Variants in FAM135B observed in about 807,000 individuals in gnomAD.
FAM135B encodes protein FAM135B.
In FAM135B, 43 loss-of-function variants were observed where a neutral mutation model predicts 127.7. The observed-to-expected ratio is 0.34, with a 90% CI of 0.26 to 0.43. The LOEUF (loss-of-function observed/expected upper bound fraction) is 0.43, where lower values mean the gene tolerates loss of function less well. Ranked by LOEUF, FAM135B falls within the 20% of genes least tolerant of loss-of-function variation. The pLI, the probability that FAM135B is intolerant of heterozygous loss-of-function variation, is 1.00. For missense variants in FAM135B, 1,558 were observed against 1,725.6 expected, an observed-to-expected ratio of 0.90 and a Z score of 1.72; for synonymous variants, 670 against 665.1, an observed-to-expected ratio of 1.01 and a Z score of -0.11.
chr8:138,144,854 C>T (rs1817526018), intron 15 of FAM135B, among the ~76,000 whole-genome samples: 1 of 152,178 alleles, frequency 6.6e-6, no homozygotes, highest in Admixed American at 6.5e-5. Context: ...GGATTACTTC[C>T]TCACCAGATC....
chr8:138,271,869 A>C (rs1451650200), intron 3 of FAM135B, among the ~76,000 whole-genome samples: 2 of 152,162 alleles, frequency 1.3e-5, no homozygotes, highest in African/African-American at 4.8e-5. Flanking sequence ...TAGATACTTT[A>C]TGTTCCTTAC....
chr8:138,356,735 C>T lies in FAM135B; in HGVS notation c.77+11172G>A, dbSNP rs376790275. 3.9e-5 allele frequency among the ~76,000 whole-genome samples: 6 copies of T among 152,160 alleles called. No homozygotes were observed. In the East Asian group the frequency reaches 1.2e-3, roughly 29 times the overall value. On this transcript the variant is annotated intron_variant, in intron 2 of 19. Transcript: ENST00000395297. Reference sequence around the variant, plus strand: ...TTTTCCAAAAGTTTCTAAACAGTAACTCAGCTACCTGAGTGTCAATGGCTG... The same window carrying T: ...TTTTCCAAAAGTTTCTAAACAGTAATTCAGCTACCTGAGTGTCAATGGCTG...
At chr8:138,159,662 G>A (rs1213285957) in intron 12 of FAM135B, among the ~76,000 whole-genome samples, 3 of 151,726 alleles carry the variant, frequency 2.0e-5, no homozygotes, top group Non-Finnish European at 2.9e-5. Context: ...TGTAAATGAT[G>A]ACTTAATGGG....
At chr8:138,188,164 G>A (rs1374062419) in intron 9 of FAM135B, among the ~76,000 whole-genome samples, 2 of 152,202 alleles carry the variant, frequency 1.3e-5, no homozygotes, top group East Asian at 3.8e-4. Flanking sequence ...TCATCTGGCT[G>A]TGCATCAGCA....
chr8:138,366,531 C>A (rs1385333592), intron 2 of FAM135B, among the ~76,000 whole-genome samples: 1 of 152,150 alleles, frequency 6.6e-6, no homozygotes, highest in Admixed American at 6.5e-5. Flanking sequence ...GAATGCTGCC[C>A]AAAACCCCTC....
In FAM135B at chr8:138,496,990, C is replaced by A. The variant is rs1178124419; in HGVS notation, c.-339G>T. The stretch of plus-strand genomic sequence containing the variant: ...CCGGGCAGCCCCAGCGAGCAGGCGC[C>A]AGGACGCGAGGCTGTCAGCGCGGTC... On this transcript the variant is annotated 5_prime_UTR_variant, in exon 1 of 20. Transcript: ENST00000395297. Among the ~76,000 whole-genome samples, 1 of 151,976 alleles carries A rather than the reference C, an allele frequency of 6.6e-6. No individual in the cohort carries two copies. The highest frequency in any genetic ancestry group is 1.5e-5 in the Non-Finnish European group (1 of 67,970).
At chr8:138,473,662 C>T (rs778441431) in intron 1 of FAM135B, among the ~76,000 whole-genome samples, 1 of 152,160 alleles carries the variant, frequency 6.6e-6, no homozygotes, top group Non-Finnish European at 1.5e-5. Flanking sequence ...ATGCTAAAGA[C>T]AGCTATTGAT....
In FAM135B at chr8:138,178,666, C is replaced by G. The variant is rs200925594; in HGVS notation, c.898G>C (p.Ala300Pro). 1 of 1,613,590 alleles carries G rather than the reference C, an allele frequency of 6.2e-7. No individual in the cohort carries two copies. Among genetic ancestry groups the G allele is most frequent in the Non-Finnish European group, 8.5e-7 (1 of 1,179,880 alleles). Residue 300 changes from alanine to proline, a missense_variant, in exon 10 of 20, where the codon GCT becomes CCT. Physicochemically the swap from Ala to Pro is conservative, Grantham distance 27. Around this residue, in one of 5 missense-constraint regions of FAM135B, gnomAD observed 115 missense variants for 171.1 expected, o/e 0.67. Coordinates refer to ENST00000395297, the MANE Select transcript of FAM135B (RefSeq NM_015912.4). ...LQMLNNPEKI[A>P]EQISKDLAWL... The stretch of plus-strand genomic sequence containing the variant: ...GCCAGATCCTTGCTTATCTGCTCAG[C>G]GATCTTCTCTGGATTGTTCAACATC...
intron 10 of FAM135B, among the ~76,000 whole-genome samples, chr8:138,177,889 C>A (rs1814628321): frequency 6.6e-6 from 1 of 152,196 alleles, no homozygotes; most frequent in Admixed American, 6.5e-5. Flanking sequence ...TGCATCAGCA[C>A]CTACCCATAT....
intron 2 of FAM135B, among the ~76,000 whole-genome samples, chr8:138,334,713 G>T (rs1197513488): frequency 6.6e-6 from 1 of 152,134 alleles, no homozygotes; most frequent in Non-Finnish European, 1.5e-5. Context: ...TCCCTGCAAA[G>T]AACATGATCT....
At chr8:138,138,643 G>A (rs1816864504) in intron 18 of FAM135B, among the ~76,000 whole-genome samples, 1 of 152,232 alleles carries the variant, frequency 6.6e-6, no homozygotes, top group Admixed American at 6.5e-5. Flanking sequence ...TGCCTTTTTT[G>A]TAGATGGGCC....
intron 2 of FAM135B, among the ~76,000 whole-genome samples, chr8:138,313,942 A>G (rs1313278656): frequency 6.6e-6 from 1 of 151,780 alleles, no homozygotes; most frequent in Admixed American, 6.6e-5. Flanking sequence ...GTTAAGCAAT[A>G]CTAAAAACAA....
intron 1 of FAM135B, among the ~76,000 whole-genome samples, chr8:138,493,036 AC>A (rs759215994): frequency 1.3e-5 from 2 of 152,052 alleles, no homozygotes; most frequent in African/African-American, 2.4e-5. Flanking sequence ...CTCCATCCAC[AC>A]CGGAGGTGGA....
intron 11 of FAM135B, among the ~76,000 whole-genome samples, chr8:138,173,059 T>A (rs1412535626): frequency 6.6e-6 from 1 of 152,186 alleles, no homozygotes; most frequent in Non-Finnish European, 1.5e-5. Context: ...GGGCTTTGCT[T>A]GGAAACCAGT....
intron 2 of FAM135B, among the ~76,000 whole-genome samples, chr8:138,360,573 T>C (rs542881429): frequency 2.6e-5 from 4 of 152,214 alleles, no homozygotes; most frequent in African/African-American, 4.8e-5. Flanking sequence ...ATTTTCTTTA[T>C]AATAAAGAGG....
At chr8:138,459,799 G>A (rs1837019781) in intron 1 of FAM135B, among the ~76,000 whole-genome samples, 1 of 152,128 alleles carries the variant, frequency 6.6e-6, no homozygotes, top group Non-Finnish European at 1.5e-5. Context: ...GGGAACTGGA[G>A]AGATAAGAAG....
At chr8:138,295,804 T>A (rs532187148) in intron 3 of FAM135B, among the ~76,000 whole-genome samples, 40 of 152,342 alleles carry the variant, frequency 2.6e-4, no homozygotes, top group African/African-American at 6.7e-4. Flanking sequence ...GCAAGATTAT[T>A]CCTGCCTGGA....
intron 1 of FAM135B, among the ~76,000 whole-genome samples, chr8:138,449,557 C>T (rs1312595047): frequency 6.6e-6 from 1 of 152,130 alleles, no homozygotes; most frequent in Non-Finnish European, 1.5e-5. Flanking sequence ...GGGCCCACCA[C>T]TCAAGGCCAA....
At chr8:138,161,206 C>T (rs188952555) in intron 12 of FAM135B, among the ~76,000 whole-genome samples, 1 of 146,726 alleles carries the variant, frequency 6.8e-6, no homozygotes, top group Admixed American at 7.0e-5. Context: ...TTGTGGCACT[C>T]AGACCACAGG....
Sources: allele counts gnomAD v4.1 joint callset (sites outside exome capture counted in the v4.1 genomes callset), GRCh38; gene constraint gnomAD v4.1.1; regional missense constraint gnomAD v4.1.1; transcripts MANE v1.5; gene names NCBI Gene and HGNC (gene_info 2026-07-23, HGNC 2026-07-21).